The following UMAD1 variants were observed in gnomAD, a reference collection of about 807,000 sequenced individuals.
The protein encoded by UMAD1 is UBAP1-MVB12-associated (UMA) domain containing 1, also known as UBAP1-MVB12-associated (UMA)-domain containing protein 1.
In UMAD1, 8 loss-of-function variants were observed where a neutral mutation model predicts 6.1. The ratio of observed to expected loss-of-function variants is 1.30; its 90% CI spans 0.76 to 2.35. UMAD1 has a LOEUF of 2.35. Ranked by LOEUF, UMAD1 falls within the 30% of genes most tolerant of loss-of-function variation. The pLI is 0.00. For synonymous variants in UMAD1, 56 were observed against 31.4 expected (o/e 1.78, Z -2.61); for missense variants, 130 against 78.4 (o/e 1.66, Z -2.49).
intron 2 of UMAD1, among the ~76,000 whole-genome samples, chr7:7,743,064 G>A (rs945411121): frequency 2.6e-5 from 4 of 152,160 alleles, no homozygotes; most frequent in South Asian, 2.1e-4. Flanking sequence ...AGAAGGTGGT[G>A]TGTATTTAAA....
chr7:7,732,536 C>T (rs913532346), intron 2 of UMAD1, among the ~76,000 whole-genome samples: 1 of 152,178 alleles, frequency 6.6e-6, no homozygotes, highest in Non-Finnish European at 1.5e-5. Flanking sequence ...GTGCCTAAGA[C>T]TTTAACATTG....
intron 2 of UMAD1, among the ~76,000 whole-genome samples, chr7:7,747,138 A>G (rs111813300): frequency 0.022 from 3,304 of 152,322 alleles, 47 homozygotes; most frequent in Middle Eastern, 0.068. Context: ...TACTTTAGCC[A>G]TTAGGCCATG....
intron 2 of UMAD1, among the ~76,000 whole-genome samples, chr7:7,740,490 A>G (rs1357603949): frequency 1.3e-5 from 2 of 152,250 alleles, no homozygotes; most frequent in Non-Finnish European, 1.5e-5. Context: ...ATCAACTCTT[A>G]AAACATTCTT....
intron 2 of UMAD1, among the ~76,000 whole-genome samples, chr7:7,710,780 A>G (rs1267847647): frequency 6.6e-6 from 1 of 152,226 alleles, no homozygotes; most frequent in Non-Finnish European, 1.5e-5. Context: ...CCCAAACTGG[A>G]TACACACCAA....
chr7:7,789,520 G>C (rs1460931708), intron 2 of UMAD1, among the ~76,000 whole-genome samples: 4 of 151,940 alleles, frequency 2.6e-5, no homozygotes, highest in Non-Finnish European at 5.9e-5. Context: ...CTATTTTTGA[G>C]TATATAGTTT....
chr7:7,691,063 T>C (rs1780162169), intron 2 of UMAD1, among the ~76,000 whole-genome samples: 1 of 152,196 alleles, frequency 6.6e-6, no homozygotes, highest in Non-Finnish European at 1.5e-5. Flanking sequence ...CAATTTGTGC[T>C]CCATGTGACC....
At chr7:7,641,946 G>A (rs1178237952) in intron 1 of UMAD1, among the ~76,000 whole-genome samples, 1 of 152,168 alleles carries the variant, frequency 6.6e-6, no homozygotes, top group African/African-American at 2.4e-5. Context: ...CTCACTAACG[G>A]TACTTTAAAG....
intron 2 of UMAD1, among the ~76,000 whole-genome samples, chr7:7,733,696 T>G (rs1176819619): frequency 1.3e-5 from 2 of 151,042 alleles, no homozygotes; most frequent in Non-Finnish European, 2.9e-5. Context: ...TTTTCAGCTC[T>G]GTCACTAAAC....
intron 2 of UMAD1, among the ~76,000 whole-genome samples, chr7:7,722,099 A>G (rs1185913168): frequency 1.3e-5 from 2 of 151,500 alleles, no homozygotes; most frequent in Admixed American, 6.6e-5. Flanking sequence ...CAGACGGCCT[A>G]TTGTGGGTCT....
chr7:7,772,187 C>T (rs1321699154), intron 2 of UMAD1, among the ~76,000 whole-genome samples: 1 of 152,104 alleles, frequency 6.6e-6, no homozygotes, highest in African/African-American at 2.4e-5. Context: ...AATAGCTAAA[C>T]CTTTGTGTTT....
At chr7:7,863,967 G>T (rs1043129464) in intron 3 of UMAD1, among the ~76,000 whole-genome samples, 1 of 152,236 alleles carries the variant, frequency 6.6e-6, no homozygotes, top group Non-Finnish European at 1.5e-5. Context: ...CATCCACTGT[G>T]ATAAGAAGAA....
At chr7:7,657,836 T>A (rs971824013) in intron 1 of UMAD1, among the ~76,000 whole-genome samples, 1 of 152,178 alleles carries the variant, frequency 6.6e-6, no homozygotes, top group Non-Finnish European at 1.5e-5. Flanking sequence ...TAGTTTTTTC[T>A]AATTCTGTGA....
At chr7:7,668,080 CT>C (rs1182032260) in intron 1 of UMAD1, among the ~76,000 whole-genome samples, 9 of 152,080 alleles carry the variant, frequency 5.9e-5, no homozygotes. Context: ...CCACAGCTGG[CT>C]AATTTTTTTT....
intron 3 of UMAD1, among the ~76,000 whole-genome samples, chr7:7,839,761 T>C (rs73057740): frequency 0.038 from 5,847 of 152,170 alleles, 198 homozygotes; most frequent in Non-Finnish European, 0.049. Context: ...TTAATGGGGA[T>C]TGGGGAAGAA....
At chr7:7,655,819 G>GTCTCTC (rs146375851) in intron 1 of UMAD1, among the ~76,000 whole-genome samples, 3 of 150,184 alleles carry the variant, frequency 2.0e-5, no homozygotes, top group Admixed American at 6.6e-5. Context: ...ATTTAGGACA[G>GTCTCTC]TCTCTCTCTC....
At chr7:7,704,428 G>A (rs1780543562) in intron 2 of UMAD1, among the ~76,000 whole-genome samples, 1 of 151,774 alleles carries the variant, frequency 6.6e-6, no homozygotes, top group African/African-American at 2.4e-5. Context: ...AAGAGGTCTT[G>A]GAGATCACAG....
intron 3 of UMAD1, among the ~76,000 whole-genome samples, chr7:7,854,154 G>A (rs1783970434): frequency 6.6e-6 from 1 of 151,950 alleles, no homozygotes. Context: ...CTGGAAGTTT[G>A]AGATCAGCCT....
At position 7,805,550 on chromosome 7, in the gene UMAD1, A is replaced by G. The variant is rs1451250840; in HGVS notation, c.156+3807A>G. On this transcript the variant is annotated intron_variant, in intron 3 of 3. Transcript: ENST00000682710. Reference sequence around the variant, plus strand: ...CCCATTCTCCACATAGCAGACAGAAATATGTCAGATCACATCACTCCTTGG... The same window carrying G: ...CCCATTCTCCACATAGCAGACAGAAGTATGTCAGATCACATCACTCCTTGG... Among the ~76,000 whole-genome samples the G allele has an allele frequency of 3.4e-5, 5 of 146,200 alleles. No homozygotes were observed. In the South Asian group the frequency reaches 1.1e-3, roughly 32 times the overall value.
intron 1 of UMAD1, among the ~76,000 whole-genome samples, chr7:7,667,643 G>A (rs1284486828): frequency 6.6e-6 from 1 of 152,178 alleles, no homozygotes; most frequent in South Asian, 2.1e-4. Flanking sequence ...TAGATGTTGT[G>A]CAGGTAGTAA....
Sources: gnomAD v4.1 joint callset for allele counts (sites outside exome capture counted in the v4.1 genomes callset) on GRCh38, gnomAD v4.1.1 for gene constraint, MANE v1.5 for transcripts, NCBI Gene and HGNC (gene_info 2026-07-23, HGNC 2026-07-21) for gene names.